Variants in MSH4 observed in about 807,000 individuals in gnomAD.
MSH4 encodes the protein mutS protein homolog 4.
A neutral mutation model predicts 113.7 loss-of-function variants in MSH4; 106 were observed. The ratio of observed to expected loss-of-function variants is 0.93; its 90% confidence interval spans 0.80 to 1.10. MSH4 has a LOEUF of 1.10. Among genes scored for constraint, MSH4 ranks in the 50% least tolerant of loss-of-function variants. The probability of loss-of-function intolerance (pLI) is 0.00; values close to 1 mark genes in which losing one functional copy is unlikely to be tolerated. For missense variants in MSH4, 1,061 were observed against 1,093.7 expected (o/e 0.97, Z 0.42); for synonymous variants, 368 against 380.2 (o/e 0.97, Z 0.37).
At chr1:75,879,370 A>T (rs577500052) in intron 12 of MSH4, among the ~76,000 whole-genome samples, 1 of 152,214 alleles carries the variant, frequency 6.6e-6, no homozygotes, top group Non-Finnish European at 1.5e-5. Flanking sequence ...AGGAAAATGA[A>T]GAAAGAACAT....
In MSH4 at chr1:75,912,660, GTA is replaced by G. The variant is rs201104118; in HGVS notation, c.2620-22_2620-21del. 3.0e-3 allele frequency: 3,206 copies of G among 1,077,872 alleles called. 3 individuals carry two copies. The highest frequency in any genetic ancestry group is 0.013 in the African/African-American group (623 of 49,366). The allele number at this position is 1,077,872 out of a possible 1,614,324, so 66.8% of individuals were successfully genotyped here. A position where few individuals can be genotyped will look rare whatever the true frequency, so the allele number is the denominator to read the frequency against. On this transcript the variant is annotated intron_variant, in intron 19 of 19. Coordinates refer to ENST00000263187, the MANE Select transcript of MSH4 (RefSeq NM_002440.4). ...TTTAAATAAAAATTATGGTATTTGTGTATATATATATATATTTTTTTTTTTTC... is the reference window on the plus strand; with the variant it reads ...TTTAAATAAAAATTATGGTATTTGTGTATATATATATATTTTTTTTTTTTC...
chr1:75,811,430 A>G (rs1039918408), intron 4 of MSH4, among the ~76,000 whole-genome samples: 2 of 152,234 alleles, frequency 1.3e-5, no homozygotes, highest in Non-Finnish European at 2.9e-5. Context: ...TAGAGAAAGC[A>G]TAAGTTTCCC....
chr1:75,896,309 A>G (rs1307104076), intron 17 of MSH4, among the ~76,000 whole-genome samples: 2 of 151,246 alleles, frequency 1.3e-5, no homozygotes, highest in Non-Finnish European at 2.9e-5. Flanking sequence ...TAATTGCATG[A>G]GCCAATTCCA....
chr1:75,879,039 A>G lies in MSH4; in HGVS notation c.1588A>G (p.Ser530Gly). The change falls in exon 12 of 20, where the codon AGT (serine) becomes GGT (glycine). Residue 530 changes from serine to glycine, a missense_variant. By Grantham distance (56) the Ser-to-Gly change is moderately conservative. Transcript: ENST00000263187. The part of the protein sequence containing the change: ...GEKYSLPLRT[S>G]FSSARGFFIQ... ...AAAATATAGTCTACCTTTAAGGACA[A>G]GTTTTAGCTCTGCTCGAGGATTTTT... 3 of 1,610,172 alleles carry G rather than the reference A, an allele frequency of 1.9e-6. No individual in the cohort carries two copies. Among genetic ancestry groups the G allele is most frequent in the Non-Finnish European group, 2.5e-6 (3 of 1,176,664 alleles).
At chr1:75,884,287 A>G (rs751817063) in intron 15 of MSH4, among the ~76,000 whole-genome samples, 7 of 152,134 alleles carry the variant, frequency 4.6e-5, no homozygotes, top group Non-Finnish European at 1.0e-4. Context: ...TGGCCATAGC[A>G]GTTGATATAT....
intron 11 of MSH4, 22 bp downstream of exon 11, chr1:75,878,340 G>GT (rs1321711800): frequency 9.0e-6 from 14 of 1,551,848 alleles, no homozygotes; most frequent in Non-Finnish European, 1.2e-5. Context: ...ATTTGATAAT[G>GT]TTTTTTGTAG....
chr1:75,851,288 T>C (rs927425300), intron 8 of MSH4, among the ~76,000 whole-genome samples: 1 of 152,174 alleles, frequency 6.6e-6, no homozygotes, highest in Non-Finnish European at 1.5e-5. Flanking sequence ...TTTGTATTTT[T>C]TTATGATTCC....
intron 7 of MSH4, among the ~76,000 whole-genome samples, chr1:75,830,556 C>T (rs1046190827): frequency 3.3e-5 from 5 of 152,118 alleles, no homozygotes; most frequent in Non-Finnish European, 5.9e-5. Context: ...TCAGGTTACC[C>T]ACAAAGGGAA....
intron 15 of MSH4, among the ~76,000 whole-genome samples, chr1:75,884,592 A>G (rs542876889): frequency 6.6e-6 from 1 of 152,082 alleles, no homozygotes; most frequent in African/African-American, 2.4e-5. Flanking sequence ...CCTACAATGC[A>G]CAGAACAGCT....
chr1:75,835,743 A>G (rs966477750), intron 7 of MSH4, among the ~76,000 whole-genome samples: 4 of 152,100 alleles, frequency 2.6e-5, no homozygotes, highest in African/African-American at 9.7e-5. Flanking sequence ...CTACCACTAT[A>G]TCACTTCTCT....
At chr1:75,811,449 A>G (rs903616719) in intron 4 of MSH4, among the ~76,000 whole-genome samples, 1 of 152,188 alleles carries the variant, frequency 6.6e-6, no homozygotes, top group African/African-American at 2.4e-5. Flanking sequence ...CCTTACATGT[A>G]TTTTCCTGGA....
chr1:75,802,589 A>G (rs1449100370), intron 1 of MSH4, among the ~76,000 whole-genome samples: 1 of 152,242 alleles, frequency 6.6e-6, no homozygotes, highest in East Asian at 1.9e-4. Flanking sequence ...AGCTTACATC[A>G]GTAGATAAGT....
chr1:75,901,567 C>A (rs1468296493), intron 19 of MSH4, among the ~76,000 whole-genome samples: 1 of 152,122 alleles, frequency 6.6e-6, no homozygotes, highest in Non-Finnish European at 1.5e-5. Context: ...TGTTAATGGA[C>A]ACTTAGGTTG....
At chr1:75,845,650 C>G (rs1332953188) in intron 7 of MSH4, among the ~76,000 whole-genome samples, 1 of 152,170 alleles carries the variant, frequency 6.6e-6, no homozygotes, top group Admixed American at 6.5e-5. Flanking sequence ...TTTGCAGTCT[C>G]ATGCCCATGG....
rs1359123815 is a variant in MSH4, at chr1:75,881,330, G to A, written c.1866G>A (p.Met622Ile). 7.4e-6 allele frequency: 12 copies of A among 1,611,910 alleles called. No homozygotes were observed. Among genetic ancestry groups the A allele is most frequent in the Non-Finnish European group, 8.5e-6 (10 of 1,179,004 alleles). The change falls in exon 14 of 20, where the codon ATG (methionine) becomes ATA (isoleucine). Residue 622 changes from methionine (M) to isoleucine (I), a missense_variant. Physicochemically the swap from Met to Ile is conservative, Grantham distance 10. Transcript: ENST00000263187. ...KLSDTVSMLD[M>I]LLSFAHACTL... ...CTGACACTGTGTCAATGCTGGATATGCTACTGTCATTTGCTCATGCCTGCA... is the reference window on the plus strand; with the variant it reads ...CTGACACTGTGTCAATGCTGGATATACTACTGTCATTTGCTCATGCCTGCA...
At chr1:75,798,559 C>CT (rs35974049) in intron 1 of MSH4, among the ~76,000 whole-genome samples, 14,608 of 137,534 alleles carry the variant, frequency 0.11, 1,897 homozygotes, top group African/African-American at 0.31. Context: ...CCTCTCTGCA[C>CT]TTTTTTTTTT....
intron 15 of MSH4, among the ~76,000 whole-genome samples, chr1:75,886,629 TA>T (rs1652124197): frequency 7.7e-6 from 1 of 129,436 alleles, no homozygotes; most frequent in Admixed American, 8.5e-5. Flanking sequence ...TATAAATATA[TA>T]AATATATAAT....
chr1:75,859,007 C>G (rs1221810057), intron 8 of MSH4, among the ~76,000 whole-genome samples: 1 of 152,084 alleles, frequency 6.6e-6, no homozygotes, highest in African/African-American at 2.4e-5. Context: ...GTGTATGTGT[C>G]CAGGAATTTA....
intron 3 of MSH4, among the ~76,000 whole-genome samples, chr1:75,809,714 C>T (rs1282842943): frequency 6.7e-6 from 1 of 148,678 alleles, no homozygotes; most frequent in East Asian, 2.0e-4. Context: ...AATCTTGACT[C>T]ACTGCGACCT....
Sources: gnomAD v4.1 joint callset for allele counts (sites outside exome capture counted in the v4.1 genomes callset) on GRCh38, gnomAD v4.1.1 for gene constraint, MANE v1.5 for transcripts, NCBI Gene and HGNC (gene_info 2026-07-23, HGNC 2026-07-21) for gene names.